CDH13: variants seen among roughly 807,000 people sequenced by gnomAD.
The protein encoded by CDH13 is cadherin 13, also known as cadherin-13.
Under a neutral mutation model 63.8 loss-of-function variants are expected in CDH13, and 24 were observed. The observed-to-expected ratio is 0.38, with a 90% CI of 0.27 to 0.53. The LOEUF (loss-of-function observed/expected upper bound fraction) is 0.53. Ranked by LOEUF, CDH13 falls within the 20% of genes least tolerant of loss-of-function variation. The pLI is 0.85. For synonymous variants in CDH13, 503 were observed against 355.3 expected, an observed-to-expected ratio of 1.42 and a Z score of -4.67; for missense variants, 1,049 against 903.1, an observed-to-expected ratio of 1.16 and a Z score of -2.07.
chr16:83,543,822 C>T (rs768893365), intron 7 of CDH13, among the ~76,000 whole-genome samples: 1 of 152,148 alleles, frequency 6.6e-6, no homozygotes, highest in South Asian at 2.1e-4. Context: ...GAATCTCTGG[C>T]CCCAAACGTC....
In CDH13 at chr16:83,354,609, A is replaced by G. The variant is rs536180716; in HGVS notation, c.781+9603A>G. On this transcript the variant is annotated intron_variant, in intron 6 of 13. Transcript: ENST00000567109. ...CATAAGGTCAAGAAAAGTCCTCTCT[A>G]AAGAGGTGATGTTGAAGCTGAGCCC... 2.6e-5 allele frequency among the ~76,000 whole-genome samples: 4 copies of G among 152,320 alleles called. No individual in the cohort carries two copies. In the East Asian group the frequency reaches 7.7e-4, roughly 29 times the overall value.
At chr16:82,713,308 C>T (rs1479634238) in intron 1 of CDH13, among the ~76,000 whole-genome samples, 2 of 152,140 alleles carry the variant, frequency 1.3e-5, no homozygotes, top group African/African-American at 2.4e-5. Flanking sequence ...TCTATACACA[C>T]TGGTATCTAA....
intron 3 of CDH13, among the ~76,000 whole-genome samples, chr16:83,051,911 T>C (rs1173056336): frequency 1.3e-5 from 2 of 152,120 alleles, no homozygotes; most frequent in South Asian, 2.1e-4. Flanking sequence ...ATTTGGACTA[T>C]GGTTTCTTTG....
In CDH13 at chr16:83,334,019, C is replaced by A. The variant is rs73595997; in HGVS notation, c.637-10843C>A. ...GGTGTCCGCAGGGCTACCTTCACTC[C>A]TGGAAGCTCTTGGGGAAAAACCCAT... On this transcript the variant is annotated intron_variant, in intron 5 of 13. Transcript: ENST00000567109. Among the ~76,000 whole-genome samples, 165 of 152,246 alleles carry A rather than the reference C, an allele frequency of 1.1e-3. 1 individual carries two copies. The highest frequency in any genetic ancestry group is 3.6e-3 in the African/African-American group (148 of 41,550).
chr16:83,016,872 A>T (rs191637240), intron 2 of CDH13, among the ~76,000 whole-genome samples: 2 of 152,306 alleles, frequency 1.3e-5, no homozygotes, highest in East Asian at 3.9e-4. Flanking sequence ...TATGACATTT[A>T]TGAAAACCAA....
intron 7 of CDH13, among the ~76,000 whole-genome samples, chr16:83,519,601 A>C (rs1325754987): frequency 6.6e-6 from 1 of 152,236 alleles, no homozygotes; most frequent in African/African-American, 2.4e-5. Flanking sequence ...GAAGTCAGAG[A>C]AGTTGCCTAG....
intron 7 of CDH13, among the ~76,000 whole-genome samples, chr16:83,573,323 C>G (rs893818337): frequency 6.6e-6 from 1 of 152,082 alleles, no homozygotes; most frequent in Admixed American, 6.5e-5. Context: ...GGGTGTGGCT[C>G]AGTTCTGCCT....
chr16:82,836,398 C>T, intron 1 of CDH13, among the ~76,000 whole-genome samples: 1 of 152,166 alleles, frequency 6.6e-6, no homozygotes, highest in Non-Finnish European at 1.5e-5. Context: ...GATCCACCCG[C>T]CTTGGCCTCC....
At chr16:83,514,017 A>C (rs2074639070) in intron 7 of CDH13, among the ~76,000 whole-genome samples, 2 of 152,200 alleles carry the variant, frequency 1.3e-5, no homozygotes, top group Non-Finnish European at 2.9e-5. Flanking sequence ...GAGCTGAAAG[A>C]ATTGAAAGTA....
intron 1 of CDH13, among the ~76,000 whole-genome samples, chr16:82,836,212 G>A (rs1019010940): frequency 1.6e-4 from 24 of 152,154 alleles, no homozygotes; most frequent in Non-Finnish European, 2.2e-4. Context: ...GCAGTGGCGC[G>A]ATCTCGGCTC....
chr16:83,794,446 C>T (rs1399995714), intron 13 of CDH13, among the ~76,000 whole-genome samples: 2 of 151,874 alleles, frequency 1.3e-5, no homozygotes, highest in Non-Finnish European at 1.5e-5. Context: ...CCAGCTCCTC[C>T]GGAGACTAAG....
chr16:82,756,714 CAG>C (rs2034624164), intron 1 of CDH13, among the ~76,000 whole-genome samples: 1 of 152,076 alleles, frequency 6.6e-6, no homozygotes, highest in Admixed American at 6.5e-5. Flanking sequence ...GAGGAGGAAA[CAG>C]AGAATTAGGA....
chr16:83,555,018 G>A (rs539494128), intron 7 of CDH13, among the ~76,000 whole-genome samples: 2 of 151,806 alleles, frequency 1.3e-5, no homozygotes, highest in Non-Finnish European at 2.9e-5. Flanking sequence ...AACCCTGCGG[G>A]GCCAGAGGTG....
chr16:83,340,859 A>T (rs2090706601), intron 5 of CDH13, among the ~76,000 whole-genome samples: 1 of 152,140 alleles, frequency 6.6e-6, no homozygotes, highest in Non-Finnish European at 1.5e-5. Flanking sequence ...TGCCCCTCTC[A>T]TCTGCCTCCA....
At chr16:82,779,688 C>T (rs985035368) in intron 1 of CDH13, among the ~76,000 whole-genome samples, 5 of 152,166 alleles carry the variant, frequency 3.3e-5, no homozygotes, top group African/African-American at 1.2e-4. Context: ...CTCTATTCCA[C>T]CAGAACCAGA....
At chr16:82,729,361 C>T (rs1323788210) in intron 1 of CDH13, among the ~76,000 whole-genome samples, 1 of 152,164 alleles carries the variant, frequency 6.6e-6, no homozygotes, top group Non-Finnish European at 1.5e-5. Flanking sequence ...GTTGAAGTCA[C>T]TTCTAGATCC....
At chr16:83,510,279 A>G (rs2151602170) in intron 7 of CDH13, among the ~76,000 whole-genome samples, 1 of 152,270 alleles carries the variant, frequency 6.6e-6, no homozygotes, top group South Asian at 2.1e-4. Context: ...CGAGATGGAG[A>G]GAGAACACAG....
rs189183700 is a variant in CDH13, at chr16:83,736,587, G to T, written c.1539-11521G>T. ...TCTTTGCAAAGACACTTATAAAGTT[G>T]TGAAGACGTTGTTTCCTTACTCTAA... On this transcript the variant is annotated intron_variant, in intron 10 of 13. Coordinates refer to ENST00000567109, the MANE Select transcript of CDH13 (RefSeq NM_001257.5). Among the ~76,000 whole-genome samples, 122 of 151,992 alleles carry T rather than the reference G, an allele frequency of 8.0e-4. 2 individuals are homozygous for T. Among genetic ancestry groups the T allele is most frequent in the Non-Finnish European group, 1.6e-3 (111 of 68,002 alleles).
chr16:83,529,091 C>CTTTTTTTT (rs10562201), intron 7 of CDH13, among the ~76,000 whole-genome samples: 1 of 140,492 alleles, frequency 7.1e-6, no homozygotes, highest in African/African-American at 2.6e-5. Flanking sequence ...ATACCTCTGT[C>CTTTTTTTT]TTTTTTTTTT....
Sources: gnomAD v4.1 joint callset for allele counts (sites outside exome capture counted in the v4.1 genomes callset) on GRCh38, gnomAD v4.1.1 for gene constraint, MANE v1.5 for transcripts, NCBI Gene and HGNC (gene_info 2026-07-23, HGNC 2026-07-21) for gene names.